Variants in PHC3 observed in about 807,000 individuals in gnomAD.
PHC3 encodes the protein polyhomeotic-like protein 3.
PHC3 carries 13 observed loss-of-function variants against 107.4 expected under a neutral mutation model. That is an observed-to-expected ratio of 0.12 (90% CI 0.08 to 0.19). The LOEUF is 0.19. Among genes scored for constraint, PHC3 ranks in the 10% least tolerant of loss-of-function variants. The pLI is 1.00. For synonymous variants in PHC3, 456 were observed against 427.4 expected, an observed-to-expected ratio of 1.07 and a Z score of -0.83; for missense variants, 992 against 1,210.9, an observed-to-expected ratio of 0.82 and a Z score of 2.68.
At chr3:170,121,508 A>G (rs1191926359) in intron 9 of PHC3, among the ~76,000 whole-genome samples, 1 of 152,190 alleles carries the variant, frequency 6.6e-6, no homozygotes, top group African/African-American at 2.4e-5. Flanking sequence ...GAAATAGTGA[A>G]TAAGAATTTG....
At chr3:170,180,973 CA>C (rs1731295252) in intron 1 of PHC3, among the ~76,000 whole-genome samples, 1 of 152,222 alleles carries the variant, frequency 6.6e-6, no homozygotes, top group Non-Finnish European at 1.5e-5. Context: ...ATACAGCCAG[CA>C]GTTCTGGTGC....
At chr3:170,157,785 A>C (rs1727121284) in intron 4 of PHC3, among the ~76,000 whole-genome samples, 1 of 152,120 alleles carries the variant, frequency 6.6e-6, no homozygotes, top group Admixed American at 6.5e-5. Context: ...GAACAGTTTT[A>C]AGGTTCTTGA....
intron 4 of PHC3, among the ~76,000 whole-genome samples, chr3:170,159,631 T>C (rs1727533804): frequency 6.6e-6 from 1 of 152,212 alleles, no homozygotes; most frequent in South Asian, 2.1e-4. Flanking sequence ...CAGATTTGTT[T>C]AGTTTCACAT....
chr3:170,120,713 T>G (rs1720102195), intron 9 of PHC3, among the ~76,000 whole-genome samples: 3 of 151,872 alleles, frequency 2.0e-5, no homozygotes, highest in African/African-American at 7.3e-5. Flanking sequence ...ACAATAGTAG[T>G]GAGGGAATAG....
At position 170,165,751 on chromosome 3, in the gene PHC3, C is replaced by A. The variant is rs1446887662; in HGVS notation, c.414+5622G>T. Among the ~76,000 whole-genome samples the A allele has an allele frequency of 2.0e-4, 18 of 91,364 alleles. No homozygotes were observed. In the South Asian group the frequency reaches 4.9e-3, roughly 25 times the overall value. The allele number at this position is 91,364 out of a possible 152,430, so 59.9% of individuals were successfully genotyped here. A position where few individuals can be genotyped will look rare whatever the true frequency, so the allele number is the denominator to read the frequency against. On this transcript the variant is annotated intron_variant, in intron 4 of 14. Transcript: ENST00000495893. ...CCTGGGTGACAGAGCAAGACCTTGT[C>A]TCAAAAAAAAAAAAAAAAAAAAAAA...
intron 10 of PHC3, among the ~76,000 whole-genome samples, chr3:170,114,846 A>G (rs1343718231): frequency 6.6e-6 from 1 of 152,230 alleles, no homozygotes; most frequent in African/African-American, 2.4e-5. Flanking sequence ...AGAAACTTCT[A>G]CATTTAACTT....
chr3:170,146,454 C>T (rs1281007931), intron 5 of PHC3, among the ~76,000 whole-genome samples: 1 of 151,232 alleles, frequency 6.6e-6, no homozygotes, highest in Non-Finnish European at 1.5e-5. Flanking sequence ...ACAAAAGAGC[C>T]TGCAAAAAAA....
At chr3:170,131,336 C>A (rs751278883) in intron 7 of PHC3, among the ~76,000 whole-genome samples, 2 of 152,108 alleles carry the variant, frequency 1.3e-5, no homozygotes, top group Non-Finnish European at 2.9e-5. Context: ...GCCCTTCATC[C>A]AAGGGGCTGA....
intron 12 of PHC3, among the ~76,000 whole-genome samples, chr3:170,105,027 T>TCTAC (rs1250228577): frequency 6.6e-6 from 1 of 152,192 alleles, no homozygotes; most frequent in African/African-American, 2.4e-5. Context: ...CCCTCTCTCA[T>TCTAC]CCACATTTCC....
Position 170,113,425 on chromosome 3 carries a change from A to T in PHC3, c.2288T>A (p.Leu763Gln), listed in dbSNP as rs1718224620. 1 of 1,613,374 alleles carries T rather than the reference A, an allele frequency of 6.2e-7. No individual in the cohort carries two copies. Among genetic ancestry groups the T allele is most frequent in the African/African-American group, 1.3e-5 (1 of 74,920 alleles). The change falls in exon 11 of 15, where the codon CTA becomes CAA. Residue 763 changes from leucine to glutamine, a missense_variant. Physicochemically the swap from Leu to Gln is moderately radical, Grantham distance 113. Transcript: ENST00000495893. ...VINSVCVQPELQNNTKHADNS... is the reference protein window; with the variant it reads ...VINSVCVQPEQQNNTKHADNS... ...ATCCGCATGTTTTGTATTATTCTGT[A>T]GCTCTGGCTGAACACACACTGAATT... is the stretch of plus-strand genomic sequence containing the variant.
chr3:170,143,592 T>G (rs563889016), intron 6 of PHC3, among the ~76,000 whole-genome samples: 3 of 152,150 alleles, frequency 2.0e-5, no homozygotes, highest in Non-Finnish European at 2.9e-5. Flanking sequence ...ATATGCAGTC[T>G]AAAATATTCA....
At chr3:170,162,743 C>T (rs1728087616) in intron 4 of PHC3, among the ~76,000 whole-genome samples, 1 of 152,170 alleles carries the variant, frequency 6.6e-6, no homozygotes, top group Non-Finnish European at 1.5e-5. Flanking sequence ...AGCTTCCCAA[C>T]TCATACTTAC....
At chr3:170,126,422 C>T (rs555595325) in intron 8 of PHC3, among the ~76,000 whole-genome samples, 13 of 149,148 alleles carry the variant, frequency 8.7e-5, no homozygotes, top group African/African-American at 3.0e-4. Flanking sequence ...ATTTTTTAAA[C>T]TTCCAAAAAT....
Position 170,175,253 on chromosome 3 carries a change from C to CTATT in PHC3, c.181-2545_181-2542dup, listed in dbSNP as rs796229525. On this transcript the variant is annotated intron_variant, in intron 2 of 14. Transcript: ENST00000495893. ...GGTCTCATAAGAAACAGAGTCAGTGCTATTTATGAGATATATCTACATCTA... is the reference window on the plus strand; with the variant it reads ...GGTCTCATAAGAAACAGAGTCAGTGCTATTTATTTATGAGATATATCTACATCTA... 5.9e-4 allele frequency among the ~76,000 whole-genome samples: 90 copies of CTATT among 152,248 alleles called. 1 individual carries two copies. Among genetic ancestry groups the CTATT allele is most frequent in the African/African-American group, 2.1e-3 (87 of 41,522 alleles).
rs1407401973 is a variant in PHC3 at position 170,097,924 on chromosome 3, T to C, written c.2834-540A>G. ...AAGTACATTTAAAATATTTTTATTG[T>C]TCACTCGGGACATATCAAATTTCTC... On this transcript the variant is annotated intron_variant, in intron 14 of 14. Coordinates refer to ENST00000495893, the MANE Select transcript of PHC3 (RefSeq NM_024947.4). This position sits in a 1 kb window ranked among gnomAD's most constrained non-coding sequence, Gnocchi z 4.1. Among the ~76,000 whole-genome samples the C allele has an allele frequency of 6.6e-6, 1 of 152,202 alleles. No homozygotes were observed. The highest frequency in any genetic ancestry group is 1.5e-5 in the Non-Finnish European group (1 of 68,022).
chr3:170,176,225 CAAAAAAAAAAAA>C (rs375783409), intron 2 of PHC3, among the ~76,000 whole-genome samples: 2 of 82,360 alleles, frequency 2.4e-5, no homozygotes, highest in African/African-American at 9.3e-5. Flanking sequence ...GACTCGGTCT[CAAAAAAAAAAAA>C]AAAAAAAAGA....
intron 4 of PHC3, among the ~76,000 whole-genome samples, chr3:170,155,727 A>C (rs980254118): frequency 1.3e-5 from 2 of 152,128 alleles, no homozygotes; most frequent in Non-Finnish European, 2.9e-5. Flanking sequence ...TCTCCAAAAA[A>C]AAAAGTTAAG....
chr3:170,116,383 G>A (rs1718971979), intron 10 of PHC3, among the ~76,000 whole-genome samples: 2 of 151,956 alleles, frequency 1.3e-5, no homozygotes, highest in African/African-American at 2.4e-5. Flanking sequence ...GGTCAAGATG[G>A]TGAAACCCCC....
chr3:170,142,221 C>A (rs1405275688), intron 6 of PHC3, among the ~76,000 whole-genome samples: 1 of 152,076 alleles, frequency 6.6e-6, no homozygotes, highest in Non-Finnish European at 1.5e-5. Flanking sequence ...ATCCTCATAG[C>A]AACCTTTTGA....
Sources: allele counts gnomAD v4.1 joint callset (sites outside exome capture counted in the v4.1 genomes callset), GRCh38; gene constraint gnomAD v4.1.1; non-coding constraint Gnocchi (gnomAD v3.1); transcripts MANE v1.5; gene names NCBI Gene and HGNC (gene_info 2026-07-23, HGNC 2026-07-21).